Variants in DCAF13 observed in about 807,000 individuals in gnomAD.
DCAF13 encodes DDB1 and CUL4 associated factor 13, also known as DDB1- and CUL4-associated factor 13.
DCAF13 carries 38 observed loss-of-function variants against 59.0 expected under a neutral mutation model. That is an observed-to-expected ratio of 0.64 (90% CI 0.50 to 0.84). DCAF13 has a LOEUF of 0.84. DCAF13 is among the 40% of genes least tolerant of loss of function. DCAF13 has a pLI of 0.00. For missense variants in DCAF13, 469 were observed against 558.4 expected (o/e 0.84, Z 1.61); for synonymous variants, 173 against 175.0 (o/e 0.99, Z 0.09).
At chr8:103,416,811 A>G (rs11985510) in intron 1 of DCAF13, among the ~76,000 whole-genome samples, 6,628 of 152,294 alleles carry the variant, frequency 0.044, 477 homozygotes, top group African/African-American at 0.15. Flanking sequence ...TTCTCCATCT[A>G]TAAAGATTCA....
At chr8:103,436,182 G>C (rs1816929965) in intron 8 of DCAF13, among the ~76,000 whole-genome samples, 1 of 152,012 alleles carries the variant, frequency 6.6e-6, no homozygotes, top group Admixed American at 6.6e-5. Context: ...TCTTTGTCCT[G>C]ATTATTATTT....
chr8:103,433,328 A>G (rs1243286025), intron 7 of DCAF13, among the ~76,000 whole-genome samples: 1 of 152,132 alleles, frequency 6.6e-6, no homozygotes, highest in East Asian at 1.9e-4. Flanking sequence ...AATTATAGTT[A>G]TCTTTTCAGT....
At position 103,432,685 on chromosome 8, in the gene DCAF13, A is replaced by G. The variant is rs779290931; in HGVS notation, c.729A>G (p.Thr243=). 9 of 1,602,250 alleles carry G rather than the reference A, an allele frequency of 5.6e-6. No individual in the cohort carries two copies. In the Admixed American group the frequency reaches 1.5e-4, roughly 27 times the overall value. Residue 243 remains threonine (T), a synonymous_variant, in exon 7 of 11, where the codon ACA becomes ACG. Transcript: ENST00000612750. The part of the protein sequence containing the change: ...KKVILDMRTN[T]ICWNPMEAFI... The stretch of plus-strand genomic sequence containing the variant: ...TTATCTTAGATATGAGAACAAATAC[A>G]ATCTGTTGGAACCCTATGGAAGCTT...
intron 5 of DCAF13, chr8:103,428,080 A>T (rs1816817145): frequency 6.6e-6 from 1 of 152,216 alleles, no homozygotes. Flanking sequence ...TTATGCTCTT[A>T]AAGACCCAAC....
chr8:103,421,073 T>C lies in DCAF13; in HGVS notation c.369T>C (p.Ser123=), dbSNP rs1170644945. The part of the protein sequence containing the change: ...RGICTRFCGT[S]FFTVGDDKTV... ...TATGTACTCGCTTTTGTGGGACTTCTTTTTTCACTGTAAGTATAATACCAT... is the reference window on the plus strand; with the variant it reads ...TATGTACTCGCTTTTGTGGGACTTCCTTTTTCACTGTAAGTATAATACCAT... Residue 123 remains serine, a synonymous_variant, in exon 3 of 11, where the codon TCT becomes TCC. Transcript: ENST00000612750. The C allele has an allele frequency of 1.3e-6, 2 of 1,598,028 alleles. No individual in the cohort carries two copies. The highest frequency in any genetic ancestry group is 2.2e-5 in the East Asian group (1 of 44,748).
intron 7 of DCAF13, among the ~76,000 whole-genome samples, chr8:103,433,956 A>G (rs2130491693): frequency 6.6e-6 from 1 of 152,216 alleles, no homozygotes; most frequent in Admixed American, 6.5e-5. Flanking sequence ...TGTTCTAATA[A>G]GCTATTTTAG....
chr8:103,442,665 T>C, intron 10 of DCAF13, 130 bp from the exon 11 acceptor site: 1 of 568,378 alleles, frequency 1.8e-6, no homozygotes, highest in South Asian at 3.0e-5. Flanking sequence ...CTTTTACCTA[T>C]TGTCATCGTG....
chr8:103,426,083 T>C lies in DCAF13; in HGVS notation c.406T>C (p.Trp136Arg). The C allele has an allele frequency of 1.2e-6, 2 of 1,612,752 alleles. No homozygotes were observed. Among genetic ancestry groups the C allele is most frequent in the Non-Finnish European group, 1.7e-6 (2 of 1,179,232 alleles). The change falls in exon 4 of 11, where the codon TGG becomes CGG. Residue 136 changes from tryptophan to arginine, a missense_variant. This residue lies in a region of DCAF13 where 355 missense variants were observed against 399.1 expected (regional missense o/e 0.89). Coordinates refer to ENST00000612750, the MANE Select transcript of DCAF13 (RefSeq NM_015420.7). ...TGGTGATGACAAAACTGTGAAGCAG[T>C]GGAAAATGGATGGGCCAGGCTATGG... The part of the protein sequence containing the change: ...TVGDDKTVKQ[W>R]KMDGPGYGDE...
intron 9 of DCAF13, chr8:103,441,008 TC>T (rs1817002775): frequency 6.4e-6 from 1 of 155,616 alleles, no homozygotes; most frequent in Non-Finnish European, 1.4e-5. Context: ...CATTAAATGT[TC>T]CTCTAAATCG....
rs376638763 is a variant in DCAF13 at position 103,421,056 on chromosome 8, C to T, written c.352C>T (p.Arg118Cys). The change falls in exon 3 of 11, where the codon CGC becomes TGC. Residue 118 changes from arginine (R) to cysteine (C), a missense_variant. Transcript: ENST00000612750. The stretch of plus-strand genomic sequence containing the variant: ...AGGCTTTGTACGAGGAATATGTACT[C>T]GCTTTTGTGGGACTTCTTTTTTCAC... ...HEGFVRGICTRFCGTSFFTVG... is the reference protein window; with the variant it reads ...HEGFVRGICTCFCGTSFFTVG... The T allele has an allele frequency of 9.4e-5, 152 of 1,612,268 alleles. No homozygotes were observed. Among genetic ancestry groups the T allele is most frequent in the Non-Finnish European group, 1.2e-4 (139 of 1,178,430 alleles).
At chr8:103,431,139 A>G (rs1816860044) in intron 6 of DCAF13, among the ~76,000 whole-genome samples, 1 of 152,210 alleles carries the variant, frequency 6.6e-6, no homozygotes, top group African/African-American at 2.4e-5. Flanking sequence ...CATGCTGATC[A>G]ATACTAGTTT....
chr8:103,423,478 G>T (rs1288385693), intron 3 of DCAF13, among the ~76,000 whole-genome samples: 1 of 152,088 alleles, frequency 6.6e-6, no homozygotes, highest in Non-Finnish European at 1.5e-5. Flanking sequence ...CAGTTGTGTG[G>T]AATCTAAAAA....
chr8:103,419,150 C>T (rs1163971611), intron 1 of DCAF13, among the ~76,000 whole-genome samples: 4 of 151,938 alleles, frequency 2.6e-5, no homozygotes, highest in African/African-American at 9.7e-5. Flanking sequence ...CCCCAAAGTG[C>T]TGGGATTACA....
At chr8:103,431,336 AG>A (rs1398316914) in intron 6 of DCAF13, among the ~76,000 whole-genome samples, 1 of 152,226 alleles carries the variant, frequency 6.6e-6, no homozygotes, top group African/African-American at 2.4e-5. Context: ...AGTTTATTTC[AG>A]GTACTAGAAT....
chr8:103,421,868 A>G (rs1418371311), intron 3 of DCAF13, among the ~76,000 whole-genome samples: 1 of 152,194 alleles, frequency 6.6e-6, no homozygotes, highest in African/African-American at 2.4e-5. Context: ...TTCATTCATC[A>G]ATGAGCATTT....
At chr8:103,430,327 G>T (rs981501275) in intron 5 of DCAF13, 1 of 185,376 alleles carries the variant, frequency 5.4e-6, no homozygotes, top group Non-Finnish European at 1.1e-5. Flanking sequence ...GGGAGGTAGA[G>T]GTTGCAGTGA....
chr8:103,432,541 C>T, intron 6 of DCAF13, 118 bp from the exon 7 acceptor site: 2 of 470,612 alleles, frequency 4.2e-6, no homozygotes, highest in East Asian at 3.0e-5. Flanking sequence ...GATTTCTCTT[C>T]CCATTGCACT....
At chr8:103,436,223 A>G (rs894275743) in intron 8 of DCAF13, among the ~76,000 whole-genome samples, 2 of 152,204 alleles carry the variant, frequency 1.3e-5, no homozygotes, top group Admixed American at 1.3e-4. Flanking sequence ...TGAGTTTAAT[A>G]AAGTTTTTTG....
intron 5 of DCAF13, chr8:103,429,350 T>C (rs1022347240): frequency 2.0e-5 from 3 of 152,182 alleles, no homozygotes; most frequent in Admixed American, 6.5e-5. Flanking sequence ...TAACATTAGC[T>C]TTATGATGTG....
Sources: allele counts gnomAD v4.1 joint callset (sites outside exome capture counted in the v4.1 genomes callset), GRCh38; gene constraint gnomAD v4.1.1; regional missense constraint gnomAD v4.1.1; transcripts MANE v1.5; gene names NCBI Gene and HGNC (gene_info 2026-07-23, HGNC 2026-07-21).